Variants in PTCHD4 observed in about 807,000 individuals in gnomAD.
PTCHD4 encodes patched domain containing 4.
Under a neutral mutation model 58.1 loss-of-function variants are expected in PTCHD4, and 33 were observed. That is an observed-to-expected ratio of 0.57 (90% confidence interval 0.43 to 0.76). The LOEUF (loss-of-function observed/expected upper bound fraction) is 0.76, where lower values mean the gene tolerates loss of function less well. Among genes scored for constraint, PTCHD4 ranks in the 30% least tolerant of loss-of-function variants. PTCHD4 has a pLI of 0.00. For synonymous variants in PTCHD4, 478 were observed against 409.6 expected, an observed-to-expected ratio of 1.17 and a Z score of -2.02; for missense variants, 1,058 against 1,027.1, an observed-to-expected ratio of 1.03 and a Z score of -0.41.
intron 1 of PTCHD4, among the ~76,000 whole-genome samples, chr6:48,107,536 A>G (rs1307356463): frequency 1.3e-5 from 2 of 151,902 alleles, no homozygotes; most frequent in Non-Finnish European, 2.9e-5. Flanking sequence ...GGACATAGGC[A>G]TGGGCAAGGA....
intron 3 of PTCHD4, among the ~76,000 whole-genome samples, chr6:48,057,181 T>TTTTTTTTTG (rs1366221502): frequency 2.3e-5 from 3 of 132,280 alleles, no homozygotes; most frequent in Non-Finnish European, 5.0e-5. Context: ...GTTTTTTTTG[T>TTTTTTTTTG]TTTTTTTTGT....
Position 47,870,363 on chromosome 6 carries a change from CGA to C in PTCHD4, c.*7938_*7939del, listed in dbSNP as rs1763682845. On this transcript the variant is annotated 3_prime_UTR_variant, in exon 5 of 5. Transcript: ENST00000339488. ...CCAAAACATGAAAATAATGATGAAC[CGA>C]ACAAGGAAATATTTGGAACATAATT... Among the ~76,000 whole-genome samples the C allele has an allele frequency of 5.3e-5, 8 of 151,494 alleles. No homozygotes were observed. The South Asian group carries it at 1.7e-3, about 32-fold the overall frequency.
intron 3 of PTCHD4, among the ~76,000 whole-genome samples, chr6:48,031,611 A>G (rs1407934075): frequency 6.6e-6 from 1 of 152,114 alleles, no homozygotes; most frequent in African/African-American, 2.4e-5. Context: ...CGTGGGGGGA[A>G]TCCATGGGAA....
chr6:47,888,808 T>C (rs1764280803), intron 4 of PTCHD4, among the ~76,000 whole-genome samples: 1 of 118,214 alleles, frequency 8.5e-6, no homozygotes, highest in African/African-American at 3.3e-5. Context: ...CCCTCTCCCC[T>C]CCCCCCACCC....
At chr6:47,989,915 T>C (rs1768218208) in intron 4 of PTCHD4, among the ~76,000 whole-genome samples, 1 of 152,088 alleles carries the variant, frequency 6.6e-6, no homozygotes, top group South Asian at 2.1e-4. Flanking sequence ...GCTTGCACCA[T>C]GCACCTGGAA....
At chr6:48,011,300 G>T (rs1433240452) in intron 3 of PTCHD4, among the ~76,000 whole-genome samples, 3 of 152,256 alleles carry the variant, frequency 2.0e-5, no homozygotes, top group East Asian at 1.9e-4. Flanking sequence ...ATCTCATTGT[G>T]GTTTGGATTT....
intron 1 of PTCHD4, among the ~76,000 whole-genome samples, chr6:48,106,827 T>C (rs532815994): frequency 4.5e-4 from 69 of 152,170 alleles, no homozygotes; most frequent in Middle Eastern, 3.4e-3. Context: ...GAGAGCCAAA[T>C]GATGAGTTGA....
rs751853356 is a variant in PTCHD4, at chr6:47,871,325, C to T, written c.*6978G>A. On this transcript the variant is annotated 3_prime_UTR_variant, in exon 5 of 5. Transcript: ENST00000339488. ...GGTAACTTTGTCTCTTTCTATTTGC[C>T]TAGAATAAACAAACAAACACCCGAA... Among the ~76,000 whole-genome samples the T allele has an allele frequency of 2.0e-4, 31 of 151,490 alleles. No homozygotes were observed. The highest frequency in any genetic ancestry group is 4.0e-4 in the Admixed American group (6 of 15,154).
At chr6:48,017,517 A>G (rs1762908119) in intron 3 of PTCHD4, among the ~76,000 whole-genome samples, 1 of 152,232 alleles carries the variant, frequency 6.6e-6, no homozygotes. Flanking sequence ...ATATAAAATA[A>G]GTTTAAAAGA....
intron 4 of PTCHD4, among the ~76,000 whole-genome samples, chr6:47,975,192 C>G (rs1390641452): frequency 6.6e-6 from 1 of 152,034 alleles, no homozygotes; most frequent in Non-Finnish European, 1.5e-5. Context: ...TCATCATATA[C>G]CCGGTGAGTA....
At chr6:47,902,057 A>G in intron 4 of PTCHD4, 1 of 487,466 alleles carries the variant, frequency 2.1e-6, no homozygotes, top group Non-Finnish European at 3.6e-6. Flanking sequence ...ATCATCAACA[A>G]CAACAGCAAC....
At chr6:47,934,893 G>A (rs1285874074) in intron 4 of PTCHD4, among the ~76,000 whole-genome samples, 1 of 152,108 alleles carries the variant, frequency 6.6e-6, no homozygotes, top group Non-Finnish European at 1.5e-5. Context: ...CTGGGACTTT[G>A]TAAACCAACT....
intron 3 of PTCHD4, among the ~76,000 whole-genome samples, chr6:48,046,372 T>A (rs949129622): frequency 2.0e-5 from 3 of 151,836 alleles, no homozygotes; most frequent in African/African-American, 7.2e-5. Flanking sequence ...GCTTTTTGAG[T>A]GAATTCTCCC....
intron 1 of PTCHD4, among the ~76,000 whole-genome samples, chr6:48,093,859 A>G (rs1765412344): frequency 6.6e-6 from 1 of 152,212 alleles, no homozygotes; most frequent in Non-Finnish European, 1.5e-5. Context: ...AGGGAGAATT[A>G]CACTGAAGCT....
At chr6:47,897,837 G>A (rs1391490797) in intron 4 of PTCHD4, among the ~76,000 whole-genome samples, 1 of 151,370 alleles carries the variant, frequency 6.6e-6, no homozygotes, top group Non-Finnish European at 1.5e-5. Context: ...ACTAGTGAGA[G>A]TACATCTCTA....
At chr6:48,040,434 A>G (rs971847614) in intron 3 of PTCHD4, among the ~76,000 whole-genome samples, 7 of 150,494 alleles carry the variant, frequency 4.7e-5, no homozygotes, top group African/African-American at 9.8e-5. Flanking sequence ...AACACCTACT[A>G]TAAGTCAGTT....
intron 4 of PTCHD4, among the ~76,000 whole-genome samples, chr6:47,949,663 T>A (rs536312205): frequency 6.6e-6 from 1 of 151,930 alleles, no homozygotes; most frequent in African/African-American, 2.4e-5. Context: ...TCTCTTTTTT[T>A]CCCCCCAGAT....
intron 3 of PTCHD4, among the ~76,000 whole-genome samples, chr6:48,012,764 C>T (rs540547852): frequency 7.9e-5 from 12 of 152,066 alleles, no homozygotes; most frequent in African/African-American, 2.6e-4. Flanking sequence ...ACCTAGTTTT[C>T]AAAAGTTTTT....
chr6:48,030,764 C>A (rs953458576), intron 3 of PTCHD4, among the ~76,000 whole-genome samples: 1 of 152,076 alleles, frequency 6.6e-6, no homozygotes, highest in Non-Finnish European at 1.5e-5. Flanking sequence ...GCAGTGATAC[C>A]AACCAAACAT....
Sources: allele counts gnomAD v4.1 joint callset (sites outside exome capture counted in the v4.1 genomes callset), GRCh38; gene constraint gnomAD v4.1.1; transcripts MANE v1.5; gene names NCBI Gene and HGNC (gene_info 2026-07-23, HGNC 2026-07-21).